Variants in GCNT1 observed in about 807,000 individuals in gnomAD.
GCNT1 encodes the protein beta-1,3-galactosyl-O-glycosyl-glycoprotein beta-1,6-N-acetylglucosaminyltransferase.
GCNT1 carries 16 observed loss-of-function variants against 26.2 expected under a neutral mutation model. That is an observed-to-expected ratio of 0.61 (90% CI 0.41 to 0.93). GCNT1 has a LOEUF of 0.93. Among genes scored for constraint, GCNT1 ranks in the 40% least tolerant of loss-of-function variants. The pLI is 0.00. For missense variants in GCNT1, 477 were observed against 526.7 expected, an observed-to-expected ratio of 0.91 and a Z score of 0.92; for synonymous variants, 183 against 190.8, an observed-to-expected ratio of 0.96 and a Z score of 0.34.
chr9:76,503,514 G>A lies in GCNT1; in HGVS notation c.1133G>A (p.Arg378His), dbSNP rs757487322. 5.6e-6 allele frequency: 9 copies of A among 1,614,052 alleles called. No individual in the cohort carries two copies. The highest frequency in any genetic ancestry group is 3.3e-5 in the Admixed American group (2 of 59,986). ...PYPPCDGVHV[R>H]SVCIFGAGDL... Reference sequence around the variant, plus strand: ...CCGCCCTGCGATGGAGTCCATGTGCGCTCAGTGTGCATTTTCGGAGCTGGT... The same window carrying A: ...CCGCCCTGCGATGGAGTCCATGTGCACTCAGTGTGCATTTTCGGAGCTGGT... The change falls in exon 4 of 4, where the codon CGC becomes CAC. Residue 378 changes from arginine (R) to histidine (H), a missense_variant. By Grantham distance (29) the Arg-to-His change is conservative. Coordinates refer to ENST00000376730, the MANE Select transcript of GCNT1 (RefSeq NM_001490.5).
At chr9:76,435,078 G>T (rs1030844814) in intron 1 of GCNT1, among the ~76,000 whole-genome samples, 2 of 152,180 alleles carry the variant, frequency 1.3e-5, no homozygotes, top group African/African-American at 4.8e-5. Context: ...TTTGCCTTGT[G>T]ATCTTTGCTT....
chr9:76,393,940 C>T, the GCNT1 span: 3 of 706,340 alleles, frequency 4.2e-6, no homozygotes, highest in African/African-American at 3.7e-5. Flanking sequence ...AACGGTCCTC[C>T]GCCACAGACA....
chr9:76,435,359 G>C (rs1823394049), intron 1 of GCNT1, among the ~76,000 whole-genome samples: 1 of 152,114 alleles, frequency 6.6e-6, no homozygotes, highest in Non-Finnish European at 1.5e-5. Flanking sequence ...AATAGAAAGA[G>C]CCTACGTTGA....
At chr9:76,402,572 T>A in the GCNT1 span, among the ~76,000 whole-genome samples, 34,655 of 152,124 alleles carry the variant, frequency 0.23, 4,677 homozygotes, top group East Asian at 0.59. Flanking sequence ...TGTCCATCCG[T>A]TTGACAATGG....
intron 2 of GCNT1, among the ~76,000 whole-genome samples, chr9:76,467,553 G>A (rs118085578): frequency 6.6e-6 from 1 of 152,098 alleles, no homozygotes; most frequent in Non-Finnish European, 1.5e-5. Context: ...CTGGTAGGGG[G>A]ACTCGTTATT....
In GCNT1 at chr9:76,502,442, GT is replaced by G; in HGVS notation, c.63del (p.Val23PhefsTer4). 6.2e-7 allele frequency: 1 copy of G among 1,613,766 alleles called. No individual in the cohort carries two copies. The highest frequency in any genetic ancestry group is 8.5e-7 in the Non-Finnish European group (1 of 1,179,792). On this transcript the variant is annotated frameshift_variant, in exon 4 of 4. Transcript: ENST00000376730. LOFTEE classifies it high-confidence loss of function. ...TTATCCCACCAAATACTACTTTATG[GT>G]TCTTGTTTTATCCCTAATCACCTTC... ...FSYPTKYYFM[V>X]LVLSLITFSV...
intron 1 of GCNT1, among the ~76,000 whole-genome samples, chr9:76,426,635 G>T (rs946276089): frequency 6.6e-6 from 1 of 152,200 alleles, no homozygotes; most frequent in East Asian, 1.9e-4. Context: ...GGTGGTTCAC[G>T]CCTGTAATCC....
intron 1 of GCNT1, among the ~76,000 whole-genome samples, chr9:76,435,312 TTCTC>T: frequency 6.6e-6 from 1 of 152,250 alleles, no homozygotes; most frequent in South Asian, 2.1e-4. Context: ...TTTGTAGTCT[TTCTC>T]TTTATTTCTC....
chr9:76,426,663 AGG>A (rs1348939036), intron 1 of GCNT1, among the ~76,000 whole-genome samples: 1 of 152,212 alleles, frequency 6.6e-6, no homozygotes, highest in East Asian at 1.9e-4. Context: ...TGGGAGGCTA[AGG>A]CAGGTGGATC....
the GCNT1 span, among the ~76,000 whole-genome samples, chr9:76,410,028 G>C: frequency 6.6e-6 from 1 of 152,064 alleles, no homozygotes. Flanking sequence ...GTGTTATTTA[G>C]AGTATGGTTT....
intron 1 of GCNT1, among the ~76,000 whole-genome samples, chr9:76,444,470 A>G (rs1823542852): frequency 6.6e-6 from 1 of 152,180 alleles, no homozygotes; most frequent in Non-Finnish European, 1.5e-5. Context: ...AACCATGAGG[A>G]TTAAGAGTCC....
intron 2 of GCNT1, among the ~76,000 whole-genome samples, chr9:76,497,620 A>G (rs1035092142): frequency 2.6e-5 from 4 of 152,218 alleles, no homozygotes; most frequent in Admixed American, 6.5e-5. Flanking sequence ...CGACAGTGGT[A>G]AAGACCTATG....
upstream of GCNT1, among the ~76,000 whole-genome samples, chr9:76,441,180 C>T (rs1823479588): frequency 1.3e-5 from 2 of 152,024 alleles, no homozygotes; most frequent in Admixed American, 6.5e-5. Flanking sequence ...AAGTCTTGCT[C>T]TGTCACCCAG....
At chr9:76,393,884 G>C in the GCNT1 span, 1 of 553,104 alleles carries the variant, frequency 1.8e-6, no homozygotes, top group South Asian at 2.3e-5. Context: ...CCCCGTCCCC[G>C]CGGAGCTCGG....
At chr9:76,405,506 A>G in the GCNT1 span, among the ~76,000 whole-genome samples, 1 of 152,342 alleles carries the variant, frequency 6.6e-6, no homozygotes, top group Middle Eastern at 3.4e-3. Flanking sequence ...CATACAGAGC[A>G]TTTTCACTGT....
At chr9:76,445,762 G>A (rs1224412991) in intron 1 of GCNT1, among the ~76,000 whole-genome samples, 1 of 151,650 alleles carries the variant, frequency 6.6e-6, no homozygotes, top group Non-Finnish European at 1.5e-5. Context: ...AATGCTTGAG[G>A]TCAGGAGTTC....
At chr9:76,440,625 G>A (rs896885063), upstream of GCNT1, among the ~76,000 whole-genome samples, 3 of 152,182 alleles carry the variant, frequency 2.0e-5, no homozygotes, top group Non-Finnish European at 4.4e-5. Flanking sequence ...ACCCAGAGGG[G>A]AGAATGAGCT....
chr9:76,400,053 T>C, the GCNT1 span, among the ~76,000 whole-genome samples: 6 of 152,312 alleles, frequency 3.9e-5, no homozygotes, highest in African/African-American at 1.4e-4. Flanking sequence ...AGATCAGTGG[T>C]TACCAGGGTT....
intron 2 of GCNT1, among the ~76,000 whole-genome samples, chr9:76,488,027 CCTGT>C (rs1824627793): frequency 6.6e-6 from 1 of 152,174 alleles, no homozygotes; most frequent in Non-Finnish European, 1.5e-5. Flanking sequence ...AGCCATGGCA[CCTGT>C]CTAATAATTA....
Sources: gnomAD v4.1 joint callset for allele counts (sites outside exome capture counted in the v4.1 genomes callset) on GRCh38, gnomAD v4.1.1 for gene constraint, MANE v1.5 for transcripts, NCBI Gene and HGNC (gene_info 2026-07-23, HGNC 2026-07-21) for gene names.